CFHR5: variants seen among roughly 807,000 people sequenced by gnomAD.
CFHR5 encodes complement factor H related 5.
CFHR5 carries 73 observed loss-of-function variants against 62.9 expected under a neutral mutation model. The ratio of observed to expected loss-of-function variants is 1.16; its 90% CI spans 0.96 to 1.41. CFHR5 has a LOEUF of 1.41. Among genes scored for constraint, CFHR5 ranks in the 40% most tolerant of loss-of-function variants. The pLI is 0.00. For synonymous variants in CFHR5, 249 were observed against 227.2 expected (o/e 1.10, Z -0.86); for missense variants, 779 against 679.9 (o/e 1.15, Z -1.62).
At chr1:196,997,995 C>T in intron 6 of CFHR5, 133 bp from the exon 7 acceptor site, 1 of 581,048 alleles carries the variant, frequency 1.7e-6, no homozygotes. Flanking sequence ...ACAGCATTGT[C>T]TATTTTGTGC....
rs556909630 is a variant in CFHR5, at chr1:197,005,012, G to A, written c.1513+169G>A. Among the ~76,000 whole-genome samples the A allele has an allele frequency of 4.8e-3, 738 of 152,222 alleles. 1 individual carries two copies. The highest frequency in any genetic ancestry group is 7.8e-3 in the Non-Finnish European group (529 of 68,008). ...TTGAAAAATTTGCTTTATGCAAAGTGAGAAAAATTTATTTAAAAACTATAA... is the reference window on the plus strand; with the variant it reads ...TTGAAAAATTTGCTTTATGCAAAGTAAGAAAAATTTATTTAAAAACTATAA... On this transcript the variant is annotated intron_variant, in intron 9 of 9. Transcript: ENST00000256785.
At chr1:196,991,364 C>T (rs540054372) in intron 3 of CFHR5, among the ~76,000 whole-genome samples, 58 of 152,232 alleles carry the variant, frequency 3.8e-4, no homozygotes, top group Admixed American at 1.1e-3. Flanking sequence ...AGCCTACTTC[C>T]GTCAGCTTAT....
chr1:197,001,588 C>T (rs571073253), intron 7 of CFHR5, among the ~76,000 whole-genome samples: 1 of 151,526 alleles, frequency 6.6e-6, no homozygotes, highest in South Asian at 2.1e-4. Context: ...TTTTAGGGTA[C>T]ATGTGCACAA....
At chr1:197,008,427 C>G (rs1180307620) in intron 9 of CFHR5, 60 bp from the exon 10 acceptor site, 2 of 987,866 alleles carry the variant, frequency 2.0e-6, no homozygotes, top group African/African-American at 3.3e-5. Flanking sequence ...TTTCACTATT[C>G]TATGAAAGGT....
In CFHR5 at chr1:196,998,288, T is replaced by G; in HGVS notation, c.1131T>G (p.Pro377=). 4 of 1,611,060 alleles carry G rather than the reference T, an allele frequency of 2.5e-6. No individual in the cohort carries two copies. The highest frequency in any genetic ancestry group is 3.4e-6 in the Non-Finnish European group (4 of 1,178,132). ...TCTGTATAAACGGGAAATGGAATCC[T>G]GAAGTAGACTGCACAGGTAAGATTT... ...HSVCINGKWN[P]EVDCTEKREQ... Residue 377 remains proline (P), a synonymous_variant, in exon 7 of 10, where the codon CCT becomes CCG. Coordinates refer to ENST00000256785, the MANE Select transcript of CFHR5 (RefSeq NM_030787.4).
intron 7 of CFHR5, among the ~76,000 whole-genome samples, chr1:196,999,550 G>T (rs1654077198): frequency 6.6e-6 from 1 of 150,888 alleles, no homozygotes. Flanking sequence ...ATAACCTAGT[G>T]ATGTAATGTT....
intron 9 of CFHR5, among the ~76,000 whole-genome samples, chr1:197,006,292 A>G (rs1477167845): frequency 6.6e-6 from 1 of 151,136 alleles, no homozygotes; most frequent in Non-Finnish European, 1.5e-5. Context: ...AATCACGAAA[A>G]CAAACAAGCA....
upstream of CFHR5, among the ~76,000 whole-genome samples, chr1:196,977,028 C>T (rs9427659): frequency 6.6e-6 from 1 of 151,648 alleles, no homozygotes; most frequent in Non-Finnish European, 1.5e-5. Context: ...AGGATGGTCT[C>T]GATCTCCTGA....
At chr1:196,992,043 C>T (rs1432973432) in intron 3 of CFHR5, among the ~76,000 whole-genome samples, 1 of 152,226 alleles carries the variant, frequency 6.6e-6, no homozygotes, top group Non-Finnish European at 1.5e-5. Context: ...GTGGTCTCTG[C>T]CCAGTTCAAG....
upstream of CFHR5, among the ~76,000 whole-genome samples, chr1:196,976,504 C>T (rs1410080573): frequency 6.6e-6 from 1 of 152,116 alleles, no homozygotes; most frequent in African/African-American, 2.4e-5. Context: ...ACTTCTGAGC[C>T]ACGGAATTGG....
intron 3 of CFHR5, among the ~76,000 whole-genome samples, chr1:196,987,774 T>C (rs1042827742): frequency 6.6e-6 from 1 of 152,180 alleles, no homozygotes; most frequent in African/African-American, 2.4e-5. Flanking sequence ...TAGTATAGCC[T>C]TGTAGTATAG....
chr1:196,984,166 G>C (rs1653621091), intron 3 of CFHR5, 29 bp downstream of exon 3: 3 of 1,588,572 alleles, frequency 1.9e-6, no homozygotes, highest in Non-Finnish European at 2.6e-6. Context: ...TCTCAGTTTT[G>C]CTAATTATTT....
chr1:196,983,778 G>A lies in CFHR5; in HGVS notation c.254-183G>A, dbSNP rs78077089. ...GCAACAACATGAAATATTAACTTTC[G>A]TATATATATATATAGGAACAAAAAA... On this transcript the variant is annotated intron_variant, in intron 2 of 9. Coordinates refer to ENST00000256785, the MANE Select transcript of CFHR5 (RefSeq NM_030787.4). Among the ~76,000 whole-genome samples the A allele has an allele frequency of 0.2, 30,507 of 150,968 alleles. 3,246 individuals carry two copies. Among genetic ancestry groups the A allele is most frequent in the Middle Eastern group, 0.34 (100 of 292 alleles).
At chr1:197,004,996 T>G (rs1654250788) in intron 9 of CFHR5, among the ~76,000 whole-genome samples, 153 bp downstream of exon 9, 1 of 152,160 alleles carries the variant, frequency 6.6e-6, no homozygotes, top group Non-Finnish European at 1.5e-5. Context: ...TTTGAAAAAT[T>G]TGCTTTATGC....
chr1:196,977,979 AG>A (rs1468812694), intron 1 of CFHR5, among the ~76,000 whole-genome samples: 1 of 152,188 alleles, frequency 6.6e-6, no homozygotes, highest in Non-Finnish European at 1.5e-5. Flanking sequence ...GAGAAATCAA[AG>A]GAGAGAAAAT....
At chr1:196,978,146 G>A (rs1037334076) in intron 1 of CFHR5, among the ~76,000 whole-genome samples, 3 of 152,030 alleles carry the variant, frequency 2.0e-5, no homozygotes, top group African/African-American at 7.2e-5. Context: ...CATTTTAAAT[G>A]TTATTAAAAT....
chr1:196,977,059 G>A (rs149343515), upstream of CFHR5, among the ~76,000 whole-genome samples: 1,191 of 151,730 alleles, frequency 7.8e-3, 10 homozygotes, highest in Middle Eastern at 0.02. Context: ...CACCCGCCTC[G>A]GCCTCCCAAA....
At chr1:196,984,700 A>G (rs1653635479) in intron 3 of CFHR5, among the ~76,000 whole-genome samples, 1 of 152,208 alleles carries the variant, frequency 6.6e-6, no homozygotes, top group Non-Finnish European at 1.5e-5. Context: ...ATAGCTCTTC[A>G]GTAATTGTTC....
At chr1:196,987,431 T>C (rs10801583) in intron 3 of CFHR5, among the ~76,000 whole-genome samples, 27,843 of 152,174 alleles carry the variant, frequency 0.18, 3,925 homozygotes, top group East Asian at 0.69. Context: ...CATGAAGTAC[T>C]TGCCCATGCC....
Sources: allele counts gnomAD v4.1 joint callset (sites outside exome capture counted in the v4.1 genomes callset), GRCh38; gene constraint gnomAD v4.1.1; transcripts MANE v1.5; gene names NCBI Gene and HGNC (gene_info 2026-07-23, HGNC 2026-07-21).